The following DKK2 variants were observed in gnomAD, a reference collection of about 807,000 sequenced individuals.
DKK2 encodes the protein dickkopf-related protein 2.
Under a neutral mutation model 28.1 loss-of-function variants are expected in DKK2, and 11 were observed. That is an observed-to-expected ratio of 0.39 (90% confidence interval 0.25 to 0.65). The LOEUF (loss-of-function observed/expected upper bound fraction) is 0.65. Among genes scored for constraint, DKK2 ranks in the 30% least tolerant of loss-of-function variants. The pLI, the probability that DKK2 is intolerant of heterozygous loss-of-function variation, is 0.47. For synonymous variants in DKK2, 135 were observed against 126.5 expected, an observed-to-expected ratio of 1.07 and a Z score of -0.45; for missense variants, 326 against 335.5, an observed-to-expected ratio of 0.97 and a Z score of 0.22.
intron 1 of DKK2, among the ~76,000 whole-genome samples, chr4:106,986,439 A>G (rs544945724): frequency 3.0e-4 from 46 of 152,324 alleles, no homozygotes; most frequent in Non-Finnish European, 5.1e-4. Context: ...AGATATACAG[A>G]GTTCCTCCCT....
intron 1 of DKK2, among the ~76,000 whole-genome samples, chr4:107,034,013 T>C (rs1027702886): frequency 6.6e-6 from 1 of 152,314 alleles, no homozygotes; most frequent in Non-Finnish European, 1.5e-5. Flanking sequence ...TTGCTGATTT[T>C]GTAATCCCTT....
intron 1 of DKK2, among the ~76,000 whole-genome samples, chr4:107,031,130 G>A (rs1260601966): frequency 6.6e-6 from 1 of 151,836 alleles, no homozygotes; most frequent in African/African-American, 2.4e-5. Flanking sequence ...TATAATTCAT[G>A]GTGAGAGGAA....
Position 106,924,774 on chromosome 4 carries a change from A to T in DKK2, c.374-74T>A, listed in dbSNP as rs974398047. On this transcript the variant is annotated intron_variant, in intron 2 of 3. Transcript: ENST00000285311. ...TGATACTTATCCACATACTCTCTTG[A>T]TGTGAAATATGAAGCCATTTATCTA... 18 of 1,413,462 alleles carry T rather than the reference A, an allele frequency of 1.3e-5. No homozygotes were observed. The African/African-American group carries it at 2.0e-4, about 16-fold the overall frequency. The allele number at this position is 1,413,462 out of a possible 1,614,324, so 87.6% of individuals were successfully genotyped here. A position where few individuals can be genotyped will look rare whatever the true frequency, so the allele number is the denominator to read the frequency against.
intron 1 of DKK2, among the ~76,000 whole-genome samples, chr4:107,006,729 T>A (rs900654618): frequency 6.6e-6 from 1 of 152,222 alleles, no homozygotes; most frequent in African/African-American, 2.4e-5. Flanking sequence ...GCTGAGAATC[T>A]TTGGTTTGCG....
At chr4:106,973,892 C>T (rs981089200) in intron 1 of DKK2, among the ~76,000 whole-genome samples, 4 of 152,044 alleles carry the variant, frequency 2.6e-5, no homozygotes, top group African/African-American at 9.7e-5. Context: ...CTCTTTAATC[C>T]ATCTTGAGTT....
At chr4:106,973,510 T>C (rs560774633) in intron 1 of DKK2, among the ~76,000 whole-genome samples, 37 of 152,360 alleles carry the variant, frequency 2.4e-4, no homozygotes, top group Non-Finnish European at 4.6e-4. Context: ...TTTTTTCCTG[T>C]TTGTTGGCCA....
At chr4:107,025,648 G>T (rs747906372) in intron 1 of DKK2, among the ~76,000 whole-genome samples, 3 of 152,202 alleles carry the variant, frequency 2.0e-5, no homozygotes, top group Non-Finnish European at 2.9e-5. Context: ...TTGCTGTGCA[G>T]ACTTTCCAGC....
intron 1 of DKK2, among the ~76,000 whole-genome samples, chr4:106,981,750 A>G (rs915045011): frequency 9.2e-5 from 14 of 152,114 alleles, no homozygotes; most frequent in Admixed American, 6.6e-4. Flanking sequence ...GGTGCTTTTC[A>G]TGATCCTTCC....
chr4:107,015,782 C>T (rs997880945), intron 1 of DKK2, among the ~76,000 whole-genome samples: 5 of 151,638 alleles, frequency 3.3e-5, no homozygotes, highest in African/African-American at 9.7e-5. Context: ...AAATAACTGT[C>T]CTTTTCATCT....
intron 1 of DKK2, among the ~76,000 whole-genome samples, chr4:107,025,960 G>A (rs907562470): frequency 9.2e-5 from 14 of 152,172 alleles, no homozygotes; most frequent in Non-Finnish European, 1.9e-4. Context: ...TATTTGAAAT[G>A]TTTATATTAG....
chr4:106,943,877 A>G (rs1724738015), intron 1 of DKK2, among the ~76,000 whole-genome samples: 1 of 152,110 alleles, frequency 6.6e-6, no homozygotes, highest in East Asian at 1.9e-4. Context: ...CTTCAAGCCT[A>G]TGGCATGTGG....
intron 1 of DKK2, among the ~76,000 whole-genome samples, chr4:107,001,150 T>G (rs935968611): frequency 6.6e-6 from 1 of 152,076 alleles, no homozygotes; most frequent in Non-Finnish European, 1.5e-5. Flanking sequence ...CCAGGTGTTA[T>G]AACTTTACAC....
chr4:106,967,637 A>T (rs1049542360), intron 1 of DKK2, among the ~76,000 whole-genome samples: 3 of 152,096 alleles, frequency 2.0e-5, no homozygotes, highest in Admixed American at 2.0e-4. Flanking sequence ...CTTCTCTGCC[A>T]GGGCTTTTGT....
At chr4:106,970,086 A>C (rs1438511093) in intron 1 of DKK2, among the ~76,000 whole-genome samples, 1 of 152,110 alleles carries the variant, frequency 6.6e-6, no homozygotes. Context: ...TTTTATTCGA[A>C]TTCTAGTTCT....
chr4:107,001,057 G>GAA (rs200413533), intron 1 of DKK2, among the ~76,000 whole-genome samples: 5 of 136,982 alleles, frequency 3.7e-5, no homozygotes, highest in African/African-American at 1.3e-4. Context: ...CTCTTCTGAC[G>GAA]AAAAAAAAAA....
intron 1 of DKK2, among the ~76,000 whole-genome samples, chr4:106,946,950 G>A (rs1317233432): frequency 6.6e-6 from 1 of 151,934 alleles, no homozygotes; most frequent in Non-Finnish European, 1.5e-5. Flanking sequence ...TTTACCAAAG[G>A]CCTACTAATG....
At chr4:106,969,949 T>G (rs1236804118) in intron 1 of DKK2, among the ~76,000 whole-genome samples, 3 of 152,096 alleles carry the variant, frequency 2.0e-5, no homozygotes, top group African/African-American at 7.2e-5. Context: ...GAGGGACTCT[T>G]AATATACAGT....
intron 1 of DKK2, among the ~76,000 whole-genome samples, chr4:106,931,158 G>A (rs886170706): frequency 6.6e-6 from 1 of 152,068 alleles, no homozygotes; most frequent in Non-Finnish European, 1.5e-5. Context: ...ACCTCTAGGG[G>A]ATAAGGGTGT....
Position 107,035,405 on chromosome 4 carries a change from A to T in DKK2, c.187T>A (p.Phe63Ile). The T allele has an allele frequency of 2.2e-5, 35 of 1,614,172 alleles. No individual in the cohort carries two copies. The highest frequency in any genetic ancestry group is 3.0e-5 in the Non-Finnish European group (35 of 1,180,010). ...TTTTTGCCCTTCTTACTGCCGCCGAATGCCAGTCCTTGGTACATGCCCGCA... is the reference window on the plus strand; with the variant it reads ...TTTTTGCCCTTCTTACTGCCGCCGATTGCCAGTCCTTGGTACATGCCCGCA... ...RSAGMYQGLA[F>I]GGSKKGKNLG... Residue 63 changes from phenylalanine to isoleucine, a missense_variant, in exon 1 of 4, where the codon TTC (phenylalanine) becomes ATC (isoleucine). By Grantham distance (21) the Phe-to-Ile change is conservative. Coordinates refer to ENST00000285311, the MANE Select transcript of DKK2 (RefSeq NM_014421.3).
Sources: allele counts gnomAD v4.1 joint callset (sites outside exome capture counted in the v4.1 genomes callset), GRCh38; gene constraint gnomAD v4.1.1; transcripts MANE v1.5; gene names NCBI Gene and HGNC (gene_info 2026-07-23, HGNC 2026-07-21).